RABL6: variants seen among roughly 807,000 people sequenced by gnomAD.
RABL6 encodes the protein rab-like protein 6.
Under a neutral mutation model 72.9 loss-of-function variants are expected in RABL6, and 28 were observed. The observed-to-expected ratio is 0.38, with a 90% CI of 0.28 to 0.53. The LOEUF (loss-of-function observed/expected upper bound fraction) is 0.53, where lower values mean the gene tolerates loss of function less well. RABL6 is among the 20% of genes least tolerant of loss of function. RABL6 has a pLI of 0.80. For synonymous variants in RABL6, 477 were observed against 421.2 expected (o/e 1.13, Z -1.62); for missense variants, 1,029 against 1,008.4 (o/e 1.02, Z -0.28).
intron 1 of RABL6, chr9:136,813,554 A>G: frequency 1.3e-5 from 5 of 399,588 alleles, no homozygotes; most frequent in Non-Finnish European, 2.3e-5. Flanking sequence ...TAACCTCAAT[A>G]TAAGCAGTCC....
Position 136,840,135 on chromosome 9 carries a change from G to C in RABL6, c.1931-19G>C. 6.2e-7 allele frequency: 1 copy of C among 1,612,990 alleles called. No homozygotes were observed. Among genetic ancestry groups the C allele is most frequent in the Non-Finnish European group, 8.5e-7 (1 of 1,179,818 alleles). Reference sequence around the variant, plus strand: ...CCCGTTGGCCTGAGTTTGAGCCACTGTCTGTCCTGTCTGTGCAGGTAAGGA... The same window carrying C: ...CCCGTTGGCCTGAGTTTGAGCCACTCTCTGTCCTGTCTGTGCAGGTAAGGA... On this transcript the variant is annotated intron_variant, in intron 13 of 14. Coordinates refer to ENST00000311502, the MANE Select transcript of RABL6 (RefSeq NM_024718.5).
At chr9:136,828,444 C>T (rs1848403130) in intron 3 of RABL6, 50 bp from the exon 4 acceptor site, 1 of 1,595,844 alleles carries the variant, frequency 6.3e-7, no homozygotes, top group African/African-American at 1.3e-5. Context: ...CCTCCTATGG[C>T]CCAAGGCCCA....
Position 136,837,534 on chromosome 9 carries a change from T to G in RABL6, c.998T>G (p.Val333Gly). The change falls in exon 9 of 15, where the codon GTG (valine) becomes GGG (glycine). Residue 333 changes from valine (V) to glycine (G), a missense_variant. Val to Gly is a moderately radical substitution (Grantham distance 109). Transcript: ENST00000311502. The part of the protein sequence containing the change: ...LPLNAAPPSS[V>G]PPVPPSEALP... Reference sequence around the variant, plus strand: ...CTCAATGCCGCCCCACCATCCTCTGTGCCCCCTGTACCACCCTCAGAGGCC... The same window carrying G: ...CTCAATGCCGCCCCACCATCCTCTGGGCCCCCTGTACCACCCTCAGAGGCC... The G allele has an allele frequency of 6.5e-7, 1 of 1,547,500 alleles. No homozygotes were observed. The highest frequency in any genetic ancestry group is 8.7e-7 in the Non-Finnish European group (1 of 1,149,280).
In RABL6 at chr9:136,826,494, C is replaced by G. The variant is rs1221257644; in HGVS notation, c.313+668C>G. The G allele has an allele frequency of 6.5e-6, 1 of 152,774 alleles. No homozygotes were observed. Among genetic ancestry groups the G allele is most frequent in the Non-Finnish European group, 1.5e-5 (1 of 68,562 alleles). The allele number at this position is 152,774 out of a possible 1,614,324, so 9.5% of individuals were successfully genotyped here. On this transcript the variant is annotated intron_variant, in intron 3 of 14. Transcript: ENST00000311502. The surrounding 1 kb of genome is among the most constrained non-coding windows in gnomAD (Gnocchi z 4.9). ...TCTGCTGGAAAGGCGGCCGCCGCCT[C>G]TGTGTGATGGTGTCTGTTCGGATGG...
At chr9:136,831,913 C>T (rs992085444) in intron 6 of RABL6, 52 bp downstream of exon 6, 33 of 1,555,158 alleles carry the variant, frequency 2.1e-5, no homozygotes, top group South Asian at 3.6e-5. Context: ...CTCCGGTGTG[C>T]GGGGGAGGGT....
intron 13 of RABL6, 82 bp downstream of exon 13, chr9:136,839,947 CG>C (rs1383432408): frequency 2.6e-6 from 4 of 1,530,018 alleles, no homozygotes; most frequent in African/African-American, 2.7e-5. Flanking sequence ...GGCCGCTGGC[CG>C]GGGTCCTCTC....
At position 136,831,915 on chromosome 9, in the gene RABL6, G is replaced by A; in HGVS notation, c.599+54G>A. The A allele has an allele frequency of 2.6e-6, 4 of 1,554,214 alleles. No homozygotes were observed. The South Asian group carries it at 4.8e-5, about 19-fold the overall frequency. ...ACCCTGCCCGGTGCTCCGGTGTGCGGGGGAGGGTGCTGAGGCAGAGGCCCA... is the reference window on the plus strand; with the variant it reads ...ACCCTGCCCGGTGCTCCGGTGTGCGAGGGAGGGTGCTGAGGCAGAGGCCCA... On this transcript the variant is annotated intron_variant, in intron 6 of 14. Transcript: ENST00000311502.
intron 1 of RABL6, among the ~76,000 whole-genome samples, chr9:136,819,030 C>T (rs1426808797): frequency 6.6e-6 from 1 of 151,926 alleles, no homozygotes; most frequent in East Asian, 1.9e-4. Flanking sequence ...TTCTGAAAAC[C>T]ACCTTGTCCA....
intron 1 of RABL6, chr9:136,813,026 T>TG (rs1426000181): frequency 1.1e-5 from 4 of 371,876 alleles, no homozygotes; most frequent in African/African-American, 8.6e-5. Context: ...TCCTCACTGT[T>TG]GCCATCTACA....
chr9:136,814,618 G>A (rs571560195), intron 1 of RABL6: 2 of 151,998 alleles, frequency 1.3e-5, no homozygotes, highest in African/African-American at 4.8e-5. Context: ...GGTGGTAGTG[G>A]TACACGCCTG....
chr9:136,817,790 G>A (rs1186985092), intron 1 of RABL6, among the ~76,000 whole-genome samples: 1 of 152,160 alleles, frequency 6.6e-6, no homozygotes, highest in Non-Finnish European at 1.5e-5. Flanking sequence ...GGGGCCGGGT[G>A]CTGGCTCACA....
rs781485537 is a variant in RABL6, at chr9:136,839,768, C to T, written c.1833C>T (p.Pro611=). The T allele has an allele frequency of 1.2e-6, 2 of 1,612,542 alleles. No individual in the cohort carries two copies. The highest frequency in any genetic ancestry group is 2.2e-5 in the East Asian group (1 of 44,888). The change falls in exon 13 of 15, where the codon CCC becomes CCT. Residue 611 remains proline, a synonymous_variant. Coordinates refer to ENST00000311502, the MANE Select transcript of RABL6 (RefSeq NM_024718.5). ...AGGGCCCTGCCGAGCCGCCCCCACC[C>T]CCCAAGCTCCCTCTCCCCGCCTTCA... ...EDEGPAEPPP[P]PKLPLPAFRL...
In RABL6 at chr9:136,834,987, G is replaced by C. The variant is rs1400828020; in HGVS notation, c.706-755G>C. On this transcript the variant is annotated intron_variant, in intron 7 of 14. Coordinates refer to ENST00000311502, the MANE Select transcript of RABL6 (RefSeq NM_024718.5). ...AGATGATTCAAAAAAAAAAAAAGGA[G>C]AGGCCAGGCAAGTAGCTCAGGCCTG... is the stretch of plus-strand genomic sequence containing the variant. Among the ~76,000 whole-genome samples, 4 of 148,290 alleles carry C rather than the reference G, an allele frequency of 2.7e-5. No individual in the cohort carries two copies. The East Asian group carries it at 7.9e-4, about 29-fold the overall frequency.
chr9:136,830,541 A>G (rs909167619), intron 5 of RABL6, among the ~76,000 whole-genome samples: 1 of 152,230 alleles, frequency 6.6e-6, no homozygotes, highest in East Asian at 1.9e-4. Context: ...CGCTGGCCTC[A>G]CCTGGGCGAG....
At chr9:136,823,743 A>AG in intron 2 of RABL6, 84 bp downstream of exon 2, 6 of 1,453,128 alleles carry the variant, frequency 4.1e-6, no homozygotes, top group Non-Finnish European at 5.5e-6. Flanking sequence ...CATTCCCCAG[A>AG]GGGGGTCTCC....
chr9:136,834,505 G>A (rs897979875), intron 7 of RABL6: 21 of 952,666 alleles, frequency 2.2e-5, no homozygotes, highest in African/African-American at 1.4e-4. Flanking sequence ...TTTTGGAGAC[G>A]GAGTCTCACT....
chr9:136,822,058 T>G, intron 1 of RABL6: 1 of 1,289,108 alleles, frequency 7.8e-7, no homozygotes, highest in Non-Finnish European at 1.0e-6. Flanking sequence ...TGGGAACAGG[T>G]GCCTTGAGGT....
chr9:136,825,336 AAC>A (rs1259559724), intron 2 of RABL6, among the ~76,000 whole-genome samples: 1 of 151,930 alleles, frequency 6.6e-6, no homozygotes, highest in South Asian at 2.1e-4. Flanking sequence ...CATGGGCAAA[AAC>A]ACAGACATCG....
At chr9:136,828,427 C>A (rs1319910225) in intron 3 of RABL6, 67 bp from the exon 4 acceptor site, 23 of 1,534,586 alleles carry the variant, frequency 1.5e-5, no homozygotes, top group East Asian at 2.3e-5. Context: ...CATGGGGGGA[C>A]CATGCTCCTC....
Sources: allele counts gnomAD v4.1 joint callset (sites outside exome capture counted in the v4.1 genomes callset), GRCh38; gene constraint gnomAD v4.1.1; non-coding constraint Gnocchi (gnomAD v3.1); transcripts MANE v1.5; gene names NCBI Gene and HGNC (gene_info 2026-07-23, HGNC 2026-07-21).